NOS1AP: variants seen among roughly 807,000 people sequenced by gnomAD.
NOS1AP encodes the protein carboxyl-terminal PDZ ligand of neuronal nitric oxide synthase protein.
A neutral mutation model predicts 56.2 loss-of-function variants in NOS1AP; 21 were observed. The ratio of observed to expected loss-of-function variants is 0.37; its 90% CI spans 0.26 to 0.54. The LOEUF is 0.54. Among genes scored for constraint, NOS1AP ranks in the 20% least tolerant of loss-of-function variants. The probability of loss-of-function intolerance (pLI) is 0.84; values close to 1 mark genes in which losing one functional copy is unlikely to be tolerated. For missense variants in NOS1AP, 522 were observed against 657.8 expected, an observed-to-expected ratio of 0.79 and a Z score of 2.26; for synonymous variants, 270 against 274.6, an observed-to-expected ratio of 0.98 and a Z score of 0.17.
At chr1:162,129,119 C>T (rs1395044485) in intron 1 of NOS1AP, among the ~76,000 whole-genome samples, 2 of 152,128 alleles carry the variant, frequency 1.3e-5, no homozygotes, top group African/African-American at 4.8e-5. Context: ...GGGTCCCCAG[C>T]TAAGCTCCGC....
At chr1:162,279,347 C>T (rs999336350) in intron 2 of NOS1AP, among the ~76,000 whole-genome samples, 5 of 152,360 alleles carry the variant, frequency 3.3e-5, no homozygotes, top group Non-Finnish European at 5.9e-5. Context: ...CCTGAGTACA[C>T]AGTCCGAGAT....
chr1:162,366,972 C>T (rs1157170533), intron 9 of NOS1AP, 80 bp from the exon 10 acceptor site: 14 of 1,554,720 alleles, frequency 9.0e-6, no homozygotes, highest in East Asian at 2.2e-5. Context: ...TGGCAGGGCA[C>T]GGGCGGGCAG....
chr1:162,080,712 C>G (rs1378631796), intron 1 of NOS1AP, among the ~76,000 whole-genome samples: 1 of 152,204 alleles, frequency 6.6e-6, no homozygotes, highest in Non-Finnish European at 1.5e-5. Flanking sequence ...TTGCTTGTCT[C>G]CTTAATTAGG....
intron 1 of NOS1AP, among the ~76,000 whole-genome samples, chr1:162,136,218 A>G (rs1024372502): frequency 6.6e-6 from 1 of 152,202 alleles, no homozygotes; most frequent in Non-Finnish European, 1.5e-5. Flanking sequence ...TTGAAGAGGT[A>G]TAATAAAGAA....
intron 2 of NOS1AP, among the ~76,000 whole-genome samples, chr1:162,174,577 TAAAA>T (rs953949120): frequency 2.0e-5 from 3 of 152,074 alleles, no homozygotes; most frequent in African/African-American, 7.2e-5. Context: ...TAATAAAAAA[TAAAA>T]AAACTTTCTA....
intron 2 of NOS1AP, among the ~76,000 whole-genome samples, chr1:162,269,620 C>T (rs1233729383): frequency 6.6e-6 from 1 of 152,060 alleles, no homozygotes; most frequent in Non-Finnish European, 1.5e-5. Flanking sequence ...ACAATTATTC[C>T]AAGCTAATAA....
At position 162,333,118 on chromosome 1, in the gene NOS1AP, A is replaced by G. The variant is rs1656826308; in HGVS notation, c.446A>G (p.Lys149Arg). Residue 149 changes from lysine (K) to arginine (R), a missense_variant, in exon 5 of 10, where the codon AAG (lysine) becomes AGG (arginine). Around this residue, in one of 4 missense-constraint regions of NOS1AP, gnomAD observed 132 missense variants for 218.1 expected, o/e 0.61. Transcript: ENST00000361897. ...NIFRCNVFKS[K>R]KKSQAMRIVR... is the part of the protein sequence containing the mutation. ...TTCAGGTGTAACGTCTTTAAATCCA[A>G]GAAGAAGGTAAAGAGGCGGTTGCCG... is the stretch of plus-strand genomic sequence containing the variant. The G allele has an allele frequency of 6.2e-7, 1 of 1,610,686 alleles. No homozygotes were observed.
At chr1:162,231,450 G>T (rs1350000338) in intron 2 of NOS1AP, among the ~76,000 whole-genome samples, 1 of 152,086 alleles carries the variant, frequency 6.6e-6, no homozygotes, top group African/African-American at 2.4e-5. Context: ...TTACTCTGTT[G>T]TGTCTTTTGC....
chr1:162,246,078 G>A (rs1653653152), intron 2 of NOS1AP, among the ~76,000 whole-genome samples: 1 of 152,174 alleles, frequency 6.6e-6, no homozygotes, highest in Non-Finnish European at 1.5e-5. Flanking sequence ...AGTAAAAAAT[G>A]GGAACCAAGA....
intron 2 of NOS1AP, among the ~76,000 whole-genome samples, chr1:162,271,196 T>C (rs759904139): frequency 9.9e-5 from 15 of 151,092 alleles, no homozygotes; most frequent in Non-Finnish European, 1.8e-4. Flanking sequence ...AGTATGATCC[T>C]TAGAATTCTA....
chr1:162,321,727 A>ATAT (rs879365955), intron 4 of NOS1AP, among the ~76,000 whole-genome samples: 72 of 130,520 alleles, frequency 5.5e-4, no homozygotes, highest in African/African-American at 1.1e-3. Flanking sequence ...ATTAAAAAAA[A>ATAT]AAAAATATAT....
chr1:162,232,345 A>G (rs918376603), intron 2 of NOS1AP, among the ~76,000 whole-genome samples: 7 of 152,222 alleles, frequency 4.6e-5, no homozygotes, highest in Non-Finnish European at 8.8e-5. Context: ...TGTGATTGGA[A>G]TACTTGACAT....
rs140457362 is a variant in NOS1AP, at chr1:162,366,458, T to C, written c.1106-594T>C. ...AGCCAAGATTCAAACCTAGATCTGA[T>C]TGCAAAATTTTGTTCCAACTATACC... On this transcript the variant is annotated intron_variant, in intron 9 of 9. Transcript: ENST00000361897. Among the ~76,000 whole-genome samples, 347 of 152,270 alleles carry C rather than the reference T, an allele frequency of 2.3e-3. 5 individuals carry two copies. In the South Asian group the frequency reaches 0.035, roughly 15 times the overall value.
chr1:162,205,435 C>T (rs1268488984), intron 2 of NOS1AP, among the ~76,000 whole-genome samples: 1 of 152,174 alleles, frequency 6.6e-6, no homozygotes, highest in Non-Finnish European at 1.5e-5. Flanking sequence ...TCCCCAGTTG[C>T]CATACCACTT....
At chr1:162,318,456 C>G (rs1048565201) in intron 4 of NOS1AP, among the ~76,000 whole-genome samples, 18 of 152,312 alleles carry the variant, frequency 1.2e-4, no homozygotes, top group Admixed American at 3.9e-4. Context: ...CTCTGTGAAG[C>G]ACTTAATGCT....
chr1:162,187,723 G>T (rs1342424359), intron 2 of NOS1AP, among the ~76,000 whole-genome samples: 2 of 152,176 alleles, frequency 1.3e-5, no homozygotes, highest in Non-Finnish European at 2.9e-5. Flanking sequence ...GGAAATGTAG[G>T]TCAGTGACAA....
chr1:162,146,566 TG>T (rs1649474291), intron 1 of NOS1AP, among the ~76,000 whole-genome samples: 1 of 152,180 alleles, frequency 6.6e-6, no homozygotes, highest in Non-Finnish European at 1.5e-5. Context: ...GCCTGCACTG[TG>T]CCTGTGGGGT....
At chr1:162,197,994 T>C (rs1651863262) in intron 2 of NOS1AP, among the ~76,000 whole-genome samples, 1 of 152,246 alleles carries the variant, frequency 6.6e-6, no homozygotes, top group Non-Finnish European at 1.5e-5. Flanking sequence ...AGAGTGTGTC[T>C]TCATCCTACC....
intron 2 of NOS1AP, among the ~76,000 whole-genome samples, chr1:162,257,516 G>A (rs566371477): frequency 6.6e-6 from 1 of 152,048 alleles, no homozygotes; most frequent in Non-Finnish European, 1.5e-5. Context: ...GGGTGTGGTG[G>A]CGGGCACCTG....
Sources: allele counts gnomAD v4.1 joint callset (sites outside exome capture counted in the v4.1 genomes callset), GRCh38; gene constraint gnomAD v4.1.1; regional missense constraint gnomAD v4.1.1; transcripts MANE v1.5; gene names NCBI Gene and HGNC (gene_info 2026-07-23, HGNC 2026-07-21).